NAA40: variants seen among roughly 807,000 people sequenced by gnomAD.
NAA40 encodes N-alpha-acetyltransferase 40, NatD catalytic subunit.
Under a neutral mutation model 36.6 loss-of-function variants are expected in NAA40, and 26 were observed. The ratio of observed to expected loss-of-function variants is 0.71; its 90% CI spans 0.52 to 0.98. NAA40 has a LOEUF of 0.98. Among genes scored for constraint, NAA40 ranks in the 50% least tolerant of loss-of-function variants. NAA40 has a pLI of 0.00. For missense variants in NAA40, 237 were observed against 306.5 expected, an observed-to-expected ratio of 0.77 and a Z score of 1.69; for synonymous variants, 129 against 108.4, an observed-to-expected ratio of 1.19 and a Z score of -1.18.
chr11:63,954,692 AG>A lies in NAA40; in HGVS notation c.*216del. On this transcript the variant is annotated 3_prime_UTR_variant, in exon 8 of 8. Coordinates refer to ENST00000377793, the MANE Select transcript of NAA40 (RefSeq NM_024771.4). Reference sequence around the variant, plus strand: ...AGTGCTAGAAGGGAATGAAAGGGAGAGGGAAGAGTAGGTGGGGCCGGGCAGT... The same window carrying A: ...AGTGCTAGAAGGGAATGAAAGGGAGAGGAAGAGTAGGTGGGGCCGGGCAGT... 2.3e-6 allele frequency: 1 copy of A among 436,038 alleles called. No homozygotes were observed. Among genetic ancestry groups the A allele is most frequent in the Non-Finnish European group, 3.9e-6 (1 of 257,498 alleles). The allele number at this position is 436,038 out of a possible 1,614,324, so 27.0% of individuals were successfully genotyped here.
rs2325716 is a variant in NAA40 at position 63,939,043 on chromosome 11, C to G, written c.-54C>G. ...CCGCTGTTGCAGCCACCGCCGTTGC[C>G]GCCTCCCTGCCGGCAAGTGTGTGAA... On this transcript the variant is annotated 5_prime_UTR_variant, in exon 1 of 8. Coordinates refer to ENST00000377793, the MANE Select transcript of NAA40 (RefSeq NM_024771.4). 2.5e-6 allele frequency: 4 copies of G among 1,594,576 alleles called. No homozygotes were observed. Among genetic ancestry groups the G allele is most frequent in the Non-Finnish European group, 3.4e-6 (4 of 1,172,418 alleles).
At chr11:63,949,711 C>T (rs1942244968) in intron 3 of NAA40, among the ~76,000 whole-genome samples, 1 of 148,484 alleles carries the variant, frequency 6.7e-6, no homozygotes, top group Non-Finnish European at 1.5e-5. Context: ...TCTTACCTGT[C>T]AAATAGGATG....
chr11:63,943,823 A>G (rs1361865770), intron 1 of NAA40, among the ~76,000 whole-genome samples: 2 of 152,190 alleles, frequency 1.3e-5, no homozygotes, highest in Non-Finnish European at 2.9e-5. Context: ...AAAAAGAAAC[A>G]TAATGTTTGT....
intron 7 of NAA40, 105 bp downstream of exon 7, chr11:63,954,154 G>A (rs1368323405): frequency 1.4e-6 from 2 of 1,381,024 alleles, no homozygotes; most frequent in East Asian, 2.3e-5. Flanking sequence ...TCATGGTCCA[G>A]TGGTCCATGG....
chr11:63,939,554 C>G (rs1197784460), intron 1 of NAA40: 2 of 931,836 alleles, frequency 2.1e-6, no homozygotes, highest in African/African-American at 1.8e-5. Flanking sequence ...TCGGGGGCGT[C>G]AGACCCCACC....
intron 3 of NAA40, among the ~76,000 whole-genome samples, chr11:63,949,281 CA>C (rs1942237554): frequency 1.3e-5 from 2 of 152,142 alleles, no homozygotes; most frequent in African/African-American, 2.4e-5. Context: ...TTAGTTCCTG[CA>C]GCATAATAAA....
chr11:63,956,335 G>A lies in NAA40; in HGVS notation c.*1856G>A, dbSNP rs1258709838. 1 of 152,560 alleles carries A rather than the reference G, an allele frequency of 6.6e-6. No individual in the cohort carries two copies. The highest frequency in any genetic ancestry group is 1.5e-5 in the Non-Finnish European group (1 of 68,046). 9.5% of individuals were successfully genotyped at this position (152,560 alleles called of 1,614,324 possible). A position where few individuals can be genotyped will look rare whatever the true frequency, so the allele number is the denominator to read the frequency against. ...TGTCTCTGGTCCCTGTCTCTGAAAG[G>A]ACACAGATGCTAAATATTTATTGTC... On this transcript the variant is annotated 3_prime_UTR_variant, in exon 8 of 8. Coordinates refer to ENST00000377793, the MANE Select transcript of NAA40 (RefSeq NM_024771.4).
chr11:63,945,444 G>T (rs1208237193), intron 1 of NAA40, among the ~76,000 whole-genome samples: 1 of 152,218 alleles, frequency 6.6e-6, no homozygotes, highest in Non-Finnish European at 1.5e-5. Context: ...TACCTTAGAT[G>T]CTGTCTCCTC....
At chr11:63,939,527 T>TA in intron 1 of NAA40, 1 of 989,718 alleles carries the variant, frequency 1.0e-6, no homozygotes, top group East Asian at 1.1e-4. Context: ...AGAAGGCGCC[T>TA]AGCCAAGGTC....
chr11:63,951,424 A>C (rs1050370183), intron 3 of NAA40, among the ~76,000 whole-genome samples: 1 of 151,614 alleles, frequency 6.6e-6, no homozygotes, highest in African/African-American at 2.4e-5. Flanking sequence ...GCTCACTGCA[A>C]CCTCCGCCTC....
At chr11:63,952,645 C>T (rs1447881597) in intron 5 of NAA40, 80 bp downstream of exon 5, 3 of 1,603,098 alleles carry the variant, frequency 1.9e-6, no homozygotes, top group Non-Finnish European at 2.6e-6. Flanking sequence ...GACAAAGCCC[C>T]TGGACCTACC....
chr11:63,945,495 T>G (rs1419956689), intron 1 of NAA40, among the ~76,000 whole-genome samples: 2 of 152,186 alleles, frequency 1.3e-5, no homozygotes, highest in African/African-American at 2.4e-5. Flanking sequence ...GGGTGTTCCC[T>G]CCTTAGGAGG....
intron 3 of NAA40, among the ~76,000 whole-genome samples, chr11:63,947,346 G>T (rs1279387256): frequency 6.6e-6 from 1 of 152,078 alleles, no homozygotes; most frequent in African/African-American, 2.4e-5. Flanking sequence ...GGCAGAGGTT[G>T]CAGTGAGCCG....
At chr11:63,952,929 G>A (rs1056800340) in intron 6 of NAA40, 90 bp downstream of exon 6, 6 of 1,141,966 alleles carry the variant, frequency 5.3e-6, no homozygotes, top group Non-Finnish European at 7.8e-6. Flanking sequence ...CCTTGTTGGA[G>A]GAGGAGGCTC....
In NAA40 at chr11:63,955,392, G is replaced by A. The variant is rs917974104; in HGVS notation, c.*913G>A. ...TAGTCTCAAGGGGAGAATAACATCA[G>A]GGAGCCCCTCATCTTCCCCAGAAGG... is the stretch of plus-strand genomic sequence containing the variant. On this transcript the variant is annotated 3_prime_UTR_variant, in exon 8 of 8. Coordinates refer to ENST00000377793, the MANE Select transcript of NAA40 (RefSeq NM_024771.4). 1 of 152,658 alleles carries A rather than the reference G, an allele frequency of 6.6e-6. No homozygotes were observed. The highest frequency in any genetic ancestry group is 6.5e-5 in the Admixed American group (1 of 15,278). The allele number at this position is 152,658 out of a possible 1,614,324, so 9.5% of individuals were successfully genotyped here.
In NAA40 at chr11:63,954,579, C is replaced by T; in HGVS notation, c.*100C>T. Reference sequence around the variant, plus strand: ...GGTGTCCTCAGAGCTGTGGCCTCCCCAGCCCTGCACGTGCCAGGCTGCGCC... The same window carrying T: ...GGTGTCCTCAGAGCTGTGGCCTCCCTAGCCCTGCACGTGCCAGGCTGCGCC... On this transcript the variant is annotated 3_prime_UTR_variant, in exon 8 of 8. Coordinates refer to ENST00000377793, the MANE Select transcript of NAA40 (RefSeq NM_024771.4). The T allele has an allele frequency of 7.3e-7, 1 of 1,365,824 alleles. No homozygotes were observed. Among genetic ancestry groups the T allele is most frequent in the African/African-American group, 1.5e-5 (1 of 67,074 alleles). 84.6% of individuals were successfully genotyped at this position (1,365,824 alleles called of 1,614,324 possible).
chr11:63,948,725 T>C (rs1183908968), intron 3 of NAA40, among the ~76,000 whole-genome samples: 1 of 100,922 alleles, frequency 9.9e-6, no homozygotes, highest in Admixed American at 1.3e-4. Flanking sequence ...CTCAAAAAAA[T>C]GTATATATTT....
chr11:63,940,427 C>T (rs75578294), intron 1 of NAA40, among the ~76,000 whole-genome samples: 8,777 of 152,200 alleles, frequency 0.058, 861 homozygotes, highest in African/African-American at 0.2. Context: ...CTTCCAGCCC[C>T]GTCTTCGCTG....
At chr11:63,944,073 T>C (rs1004905777) in intron 1 of NAA40, among the ~76,000 whole-genome samples, 3 of 152,158 alleles carry the variant, frequency 2.0e-5, no homozygotes, top group African/African-American at 7.2e-5. Context: ...TTGGTAGAGT[T>C]TGTGGCTATA....
Sources: allele counts gnomAD v4.1 joint callset (sites outside exome capture counted in the v4.1 genomes callset), GRCh38; gene constraint gnomAD v4.1.1; transcripts MANE v1.5; gene names NCBI Gene and HGNC (gene_info 2026-07-23, HGNC 2026-07-21).